The following MAST4 variants were observed in gnomAD, a reference collection of about 807,000 sequenced individuals.
MAST4 encodes microtubule-associated serine/threonine-protein kinase 4.
In MAST4, 89 loss-of-function variants were observed where a neutral mutation model predicts 162.7. The ratio of observed to expected loss-of-function variants is 0.55; its 90% CI spans 0.46 to 0.65. The LOEUF is 0.65. Among genes scored for constraint, MAST4 ranks in the 30% least tolerant of loss-of-function variants. The probability of loss-of-function intolerance (pLI) is 0.00; values close to 1 mark genes in which losing one functional copy is unlikely to be tolerated. For synonymous variants in MAST4, 1,479 were observed against 1,361.1 expected, an observed-to-expected ratio of 1.09 and a Z score of -1.91; for missense variants, 3,153 against 3,374.0, an observed-to-expected ratio of 0.93 and a Z score of 1.62.
Position 67,164,262 on chromosome 5 carries a change from C to T in MAST4, c.5083C>T (p.Leu1695Phe), listed in dbSNP as rs1179487152. ...NIDYLRKKMS[L>F]EDKEDNLCPV... ...CGATTACCTCCGAAAGAAAATGTCA[C>T]TTGAGGACAAAGAGGACAACCTCTG... Residue 1695 changes from leucine (L) to phenylalanine (F), a missense_variant, in exon 29 of 29, where the codon CTT becomes TTT. Leu to Phe is a conservative substitution (Grantham distance 22). Transcript: ENST00000403625. This position sits in a 1 kb window ranked among gnomAD's most constrained non-coding sequence, Gnocchi z 5.3. The T allele has an allele frequency of 1.2e-6, 2 of 1,614,018 alleles. No homozygotes were observed. Among genetic ancestry groups the T allele is most frequent in the Non-Finnish European group, 1.7e-6 (2 of 1,179,886 alleles).
At chr5:66,800,747 A>C (rs996612426) in intron 3 of MAST4, among the ~76,000 whole-genome samples, 1 of 152,158 alleles carries the variant, frequency 6.6e-6, no homozygotes, top group Non-Finnish European at 1.5e-5. Flanking sequence ...AAAGAAACCC[A>C]ACTCATTTCT....
rs1272114133 is a variant in MAST4, at chr5:66,687,678, A to ATCTG, written c.364-72030_364-72029insCTGT. ...TATCTATCTATCTATCTATCTATCTATACGCACCACATTTTCATTATCCAG... is the reference window on the plus strand; with the variant it reads ...TATCTATCTATCTATCTATCTATCTATCTGTACGCACCACATTTTCATTATCCAG... On this transcript the variant is annotated intron_variant, in intron 1 of 28. Coordinates refer to ENST00000403625, the MANE Select transcript of MAST4 (RefSeq NM_001164664.2). Among the ~76,000 whole-genome samples, 1,144 of 150,044 alleles carry ATCTG rather than the reference A, an allele frequency of 7.6e-3. 13 individuals are homozygous for ATCTG. Among genetic ancestry groups the ATCTG allele is most frequent in the Non-Finnish European group, 9.6e-3 (645 of 67,476 alleles).
In MAST4 at chr5:67,110,319, T is replaced by C. The variant is rs1766089852; in HGVS notation, c.1458+120T>C. 4 of 699,246 alleles carry C rather than the reference T, an allele frequency of 5.7e-6. No homozygotes were observed. The South Asian group carries it at 6.7e-5, about 12-fold the overall frequency. The allele number at this position is 699,246 out of a possible 1,614,324, so 43.3% of individuals were successfully genotyped here. ...CTAAATGGAAAGAGTCAAAGGGAAT[T>C]ACAACTTGTGAACGTTTATGATGAT... On this transcript the variant is annotated intron_variant, in intron 11 of 28. Coordinates refer to ENST00000403625, the MANE Select transcript of MAST4 (RefSeq NM_001164664.2).
intron 4 of MAST4, among the ~76,000 whole-genome samples, chr5:66,995,532 A>C (rs1474562023): frequency 6.6e-6 from 1 of 152,112 alleles, no homozygotes; most frequent in Non-Finnish European, 1.5e-5. Context: ...CCTTCCAAGT[A>C]GCTGGGACTA....
At chr5:66,833,138 T>C (rs536745413) in intron 3 of MAST4, among the ~76,000 whole-genome samples, 67 of 152,322 alleles carry the variant, frequency 4.4e-4, no homozygotes, top group African/African-American at 1.5e-3. Flanking sequence ...ATAAACAAAT[T>C]TGTTTACTAG....
At chr5:66,650,916 C>T (rs943220914) in intron 1 of MAST4, among the ~76,000 whole-genome samples, 5 of 152,186 alleles carry the variant, frequency 3.3e-5, no homozygotes, top group Admixed American at 6.5e-5. Context: ...CATGGCAGAG[C>T]TCAAAGTAAC....
chr5:66,776,762 G>A (rs778220661), intron 2 of MAST4, among the ~76,000 whole-genome samples: 4 of 152,174 alleles, frequency 2.6e-5, no homozygotes, highest in East Asian at 1.9e-4. Context: ...TAGGTGTGAC[G>A]TGGGGCTACA....
At chr5:66,699,917 T>TAA (rs553340559) in intron 1 of MAST4, among the ~76,000 whole-genome samples, 2 of 145,932 alleles carry the variant, frequency 1.4e-5, no homozygotes, top group Non-Finnish European at 3.0e-5. Context: ...TCCCGGAACT[T>TAA]AAAAAAAAAA....
intron 4 of MAST4, among the ~76,000 whole-genome samples, chr5:67,004,293 G>A (rs1751681163): frequency 6.6e-6 from 1 of 152,138 alleles, no homozygotes; most frequent in South Asian, 2.1e-4. Context: ...AAAGCTGGGG[G>A]CGCGGCCACC....
At chr5:67,090,796 C>T (rs1215003819) in intron 6 of MAST4, among the ~76,000 whole-genome samples, 2 of 151,700 alleles carry the variant, frequency 1.3e-5, no homozygotes, top group East Asian at 4.0e-4. Flanking sequence ...ACACCATGTT[C>T]ATTGTGGATT....
intron 26 of MAST4, among the ~76,000 whole-genome samples, chr5:67,155,299 G>A (rs776221298): frequency 2.2e-4 from 33 of 152,182 alleles, no homozygotes; most frequent in Non-Finnish European, 2.2e-4. Flanking sequence ...TGGTTATCCA[G>A]TTCAGCTCCC....
At chr5:66,932,141 G>A (rs867511802) in intron 4 of MAST4, among the ~76,000 whole-genome samples, 2 of 152,118 alleles carry the variant, frequency 1.3e-5, no homozygotes, top group South Asian at 2.1e-4. Flanking sequence ...TATTTGAGAG[G>A]TTTCTGAGGA....
chr5:66,709,336 G>A (rs1032149242), intron 1 of MAST4, among the ~76,000 whole-genome samples: 3 of 152,078 alleles, frequency 2.0e-5, no homozygotes, highest in African/African-American at 7.2e-5. Context: ...TTTTTTTTGA[G>A]ACAGGATCTT....
chr5:66,834,724 T>G (rs948083542), intron 3 of MAST4, among the ~76,000 whole-genome samples: 8 of 152,194 alleles, frequency 5.3e-5, no homozygotes, highest in Non-Finnish European at 2.9e-5. Context: ...CCCCAGCCAT[T>G]GCCCACTGTT....
chr5:66,995,546 G>A (rs945324647), intron 4 of MAST4, among the ~76,000 whole-genome samples: 1 of 152,032 alleles, frequency 6.6e-6, no homozygotes, highest in Non-Finnish European at 1.5e-5. Flanking sequence ...GGGACTATCG[G>A]CACCCGCCAC....
intron 1 of MAST4, among the ~76,000 whole-genome samples, chr5:66,690,496 G>A (rs1310132650): frequency 2.0e-5 from 3 of 152,142 alleles, no homozygotes; most frequent in African/African-American, 7.2e-5. Flanking sequence ...AATTTCAAAT[G>A]CCACTGGCTA....
intron 5 of MAST4, among the ~76,000 whole-genome samples, chr5:67,062,130 G>A (rs569785245): frequency 2.6e-5 from 4 of 152,132 alleles, no homozygotes; most frequent in African/African-American, 4.8e-5. Flanking sequence ...GGCTGGGCGC[G>A]GTGGCTCACG....
intron 4 of MAST4, among the ~76,000 whole-genome samples, chr5:66,950,126 C>T (rs188812175): frequency 3.7e-4 from 57 of 152,200 alleles, no homozygotes; most frequent in African/African-American, 1.3e-3. Flanking sequence ...CATATTCCAC[C>T]ACCTTAACCA....
In MAST4 at chr5:66,777,823, C is replaced by G. The variant is rs189182970; in HGVS notation, c.518-10847C>G. Reference sequence around the variant, plus strand: ...GGGAGAGGGAGGATGAGGAGGAAGACAGAGAGGGAGCTGACAAGTAGTTTA... The same window carrying G: ...GGGAGAGGGAGGATGAGGAGGAAGAGAGAGAGGGAGCTGACAAGTAGTTTA... On this transcript the variant is annotated intron_variant, in intron 2 of 28. Coordinates refer to ENST00000403625, the MANE Select transcript of MAST4 (RefSeq NM_001164664.2). 2.6e-5 allele frequency among the ~76,000 whole-genome samples: 4 copies of G among 152,166 alleles called. 1 individual carries two copies. Among genetic ancestry groups the G allele is most frequent in the Admixed American group, 2.0e-4 (3 of 15,278 alleles).
Sources: allele counts gnomAD v4.1 joint callset (sites outside exome capture counted in the v4.1 genomes callset), GRCh38; gene constraint gnomAD v4.1.1; non-coding constraint Gnocchi (gnomAD v3.1); transcripts MANE v1.5; gene names NCBI Gene and HGNC (gene_info 2026-07-23, HGNC 2026-07-21).